CACNG5: variants seen among roughly 807,000 people sequenced by gnomAD.
CACNG5 encodes the protein calcium voltage-gated channel auxiliary subunit gamma 5.
Under a neutral mutation model 24.8 loss-of-function variants are expected in CACNG5, and 18 were observed. That is an observed-to-expected ratio of 0.73 (90% CI 0.50 to 1.08). The LOEUF (loss-of-function observed/expected upper bound fraction) is 1.08, where lower values mean the gene tolerates loss of function less well. Ranked by LOEUF, CACNG5 falls within the 50% of genes least tolerant of loss-of-function variation. CACNG5 has a pLI of 0.00. For missense variants in CACNG5, 349 were observed against 367.9 expected, an observed-to-expected ratio of 0.95 and a Z score of 0.42; for synonymous variants, 157 against 149.1, an observed-to-expected ratio of 1.05 and a Z score of -0.39.
At position 66,884,651 on chromosome 17, in the gene CACNG5, T is replaced by C. The variant is rs1179610179; in HGVS notation, c.560T>C (p.Leu187Pro). 1.2e-6 allele frequency: 2 copies of C among 1,614,068 alleles called. No individual in the cohort carries two copies. Among genetic ancestry groups the C allele is most frequent in the Non-Finnish European group, 8.5e-7 (1 of 1,180,048 alleles). The change falls in exon 5 of 6, where the codon CTT becomes CCT. Residue 187 changes from leucine to proline, a missense_variant. Transcript: ENST00000533854. ...TTTGCCTTCGCCGCCATCTCCTTCC[T>C]TTTAACGGAGGTAAAGCCCGTCACC... ...WSFAFAAISF[L>P]LTESAGVMSV...
chr17:66,893,280 A>T lies in CACNG5; in HGVS notation c.*8040A>T, dbSNP rs768176004. Reference sequence around the variant, plus strand: ...ATAATCCAGGTTCCCATCCAAAGATAAATGGGGGAAGGAAAGGTCTAAATG... The same window carrying T: ...ATAATCCAGGTTCCCATCCAAAGATTAATGGGGGAAGGAAAGGTCTAAATG... On this transcript the variant is annotated 3_prime_UTR_variant, in exon 6 of 6. Transcript: ENST00000533854. 9.2e-5 allele frequency among the ~76,000 whole-genome samples: 14 copies of T among 152,200 alleles called. No homozygotes were observed. Among genetic ancestry groups the T allele is most frequent in the Non-Finnish European group, 1.9e-4 (13 of 68,030 alleles).
chr17:66,851,363 A>T (rs1432996283), intron 1 of CACNG5, among the ~76,000 whole-genome samples: 1 of 152,240 alleles, frequency 6.6e-6, no homozygotes, highest in African/African-American at 2.4e-5. Flanking sequence ...AGTACATAGG[A>T]TTCCCATGGG....
Position 66,894,533 on chromosome 17 carries a change from T to C in CACNG5, c.*9293T>C, listed in dbSNP as rs970351613. Reference sequence around the variant, plus strand: ...AATCCTAGTGCAGAATCTGAGTTAGTTACCCTCTCCAGTTCATGATGTGCA... The same window carrying C: ...AATCCTAGTGCAGAATCTGAGTTAGCTACCCTCTCCAGTTCATGATGTGCA... On this transcript the variant is annotated 3_prime_UTR_variant, in exon 6 of 6. Coordinates refer to ENST00000533854, the MANE Select transcript of CACNG5 (RefSeq NM_145811.3). Among the ~76,000 whole-genome samples, 1 of 152,192 alleles carries C rather than the reference T, an allele frequency of 6.6e-6. No homozygotes were observed. Among genetic ancestry groups the C allele is most frequent in the Non-Finnish European group, 1.5e-5 (1 of 68,038 alleles).
chr17:66,872,786 G>T (rs1225005707), intron 1 of CACNG5, among the ~76,000 whole-genome samples: 1 of 152,162 alleles, frequency 6.6e-6, no homozygotes, highest in Non-Finnish European at 1.5e-5. Context: ...GCACCTCCAA[G>T]AAGCTACCAG....
intron 1 of CACNG5, among the ~76,000 whole-genome samples, chr17:66,856,442 A>G (rs948054424): frequency 1.3e-5 from 2 of 152,164 alleles, no homozygotes; most frequent in Admixed American, 1.3e-4. Context: ...TTGCAAAATT[A>G]TAGTACAAAG....
At chr17:66,869,362 G>T (rs7218092) in intron 1 of CACNG5, among the ~76,000 whole-genome samples, 2 of 152,220 alleles carry the variant, frequency 1.3e-5, no homozygotes, top group Non-Finnish European at 2.9e-5. Context: ...GGGATTACAG[G>T]TGTGAGCCAA....
chr17:66,879,291 T>G (rs2143117569), intron 3 of CACNG5, among the ~76,000 whole-genome samples: 1 of 152,354 alleles, frequency 6.6e-6, no homozygotes, highest in South Asian at 2.1e-4. Flanking sequence ...AACTGAGCTC[T>G]CTGGACCCCA....
At position 66,889,511 on chromosome 17, in the gene CACNG5, A is replaced by G. The variant is rs1977311245; in HGVS notation, c.*4271A>G. On this transcript the variant is annotated 3_prime_UTR_variant, in exon 6 of 6. Coordinates refer to ENST00000533854, the MANE Select transcript of CACNG5 (RefSeq NM_145811.3). ...GTGGTCTATCAGGGTTCTCCAGAAAAACAGAATCAACAGGATGAATATATA... is the reference window on the plus strand; with the variant it reads ...GTGGTCTATCAGGGTTCTCCAGAAAGACAGAATCAACAGGATGAATATATA... Among the ~76,000 whole-genome samples the G allele has an allele frequency of 6.6e-6, 1 of 152,188 alleles. No individual in the cohort carries two copies. Among genetic ancestry groups the G allele is most frequent in the Non-Finnish European group, 1.5e-5 (1 of 68,040 alleles).
intron 1 of CACNG5, among the ~76,000 whole-genome samples, chr17:66,871,996 A>G (rs1977014633): frequency 6.6e-6 from 1 of 152,208 alleles, no homozygotes; most frequent in African/African-American, 2.4e-5. Flanking sequence ...GTATACAAGG[A>G]GAGTGATTGG....
chr17:66,884,370 T>A (rs540282191), intron 4 of CACNG5, 146 bp from the exon 5 acceptor site: 210 of 785,448 alleles, frequency 2.7e-4, no homozygotes, highest in Non-Finnish European at 4.8e-5. Flanking sequence ...GAGGAAAGTT[T>A]CTGCTCTCCT....
intron 4 of CACNG5, among the ~76,000 whole-genome samples, chr17:66,884,132 CAAAAAAAGAAAAAAAAA>C (rs1322504916): frequency 1.6e-5 from 2 of 121,916 alleles, no homozygotes; most frequent in African/African-American, 3.6e-5. Context: ...AAATCCACCT[CAAAAAAAGAAAAAAAAA>C]AAAAAAAGAA....
chr17:66,852,287 A>G (rs1409583030), intron 1 of CACNG5, among the ~76,000 whole-genome samples: 1 of 152,186 alleles, frequency 6.6e-6, no homozygotes, highest in Non-Finnish European at 1.5e-5. Flanking sequence ...GGGCTGAGCC[A>G]CAGTGCTGTT....
At chr17:66,842,954 T>C (rs887133525) in intron 1 of CACNG5, among the ~76,000 whole-genome samples, 46 of 152,136 alleles carry the variant, frequency 3.0e-4, no homozygotes, top group African/African-American at 9.9e-4. Context: ...GCTGAGTAAT[T>C]TTCTAAAGCA....
rs937882906 is a variant in CACNG5 at position 66,889,535 on chromosome 17, T to TAG, written c.*4303_*4304dup. ...AAACAGAATCAACAGGATGAATATA[T>TAG]AGAGAGAGAAAGATTTATTTTAAGG... is the stretch of plus-strand genomic sequence containing the variant. On this transcript the variant is annotated 3_prime_UTR_variant, in exon 6 of 6. Coordinates refer to ENST00000533854, the MANE Select transcript of CACNG5 (RefSeq NM_145811.3). Among the ~76,000 whole-genome samples the TAG allele has an allele frequency of 6.6e-6, 1 of 152,080 alleles. No homozygotes were observed. The highest frequency in any genetic ancestry group is 1.5e-5 in the Non-Finnish European group (1 of 68,032).
intron 1 of CACNG5, among the ~76,000 whole-genome samples, chr17:66,869,362 G>A (rs7218092): frequency 4.0e-4 from 61 of 152,338 alleles, no homozygotes; most frequent in African/African-American, 1.4e-3. Flanking sequence ...GGGATTACAG[G>A]TGTGAGCCAA....
intron 1 of CACNG5, among the ~76,000 whole-genome samples, chr17:66,838,830 A>G (rs1343144760): frequency 6.6e-6 from 1 of 151,812 alleles, no homozygotes; most frequent in Non-Finnish European, 1.5e-5. Context: ...CTGGAGTATT[A>G]TTGGCATTTG....
In CACNG5 at chr17:66,887,180, G is replaced by A. The variant is rs1411662582; in HGVS notation, c.*1940G>A. Among the ~76,000 whole-genome samples the A allele has an allele frequency of 6.6e-6, 1 of 152,150 alleles. No homozygotes were observed. The highest frequency in any genetic ancestry group is 1.5e-5 in the Non-Finnish European group (1 of 68,038). Reference sequence around the variant, plus strand: ...TCTTCCATTTGTCTCACAGCAGGGTGGAGGAGAAGGGTAAGAGAAGCCAGT... The same window carrying A: ...TCTTCCATTTGTCTCACAGCAGGGTAGAGGAGAAGGGTAAGAGAAGCCAGT... On this transcript the variant is annotated 3_prime_UTR_variant, in exon 6 of 6. Transcript: ENST00000533854.
chr17:66,884,610 C>G lies in CACNG5; in HGVS notation c.519C>G (p.Tyr173Ter). ...AGGATGCAGAGACCTACTTCAACTA[C>G]AAGTATGGGTGGTCGTTTGCCTTCG... is the stretch of plus-strand genomic sequence containing the variant. ...RTKDAETYFN[Y>*]KYGWSFAFAA... The change falls in exon 5 of 6, where the codon TAC becomes TAG. Residue 173 changes from tyrosine (Y) to a stop codon, truncating the protein, a stop_gained. Coordinates refer to ENST00000533854, the MANE Select transcript of CACNG5 (RefSeq NM_145811.3). LOFTEE classifies it high-confidence loss of function. The G allele has an allele frequency of 6.2e-7, 1 of 1,614,170 alleles. No homozygotes were observed. Among genetic ancestry groups the G allele is most frequent in the Non-Finnish European group, 8.5e-7 (1 of 1,180,028 alleles).
In CACNG5 at chr17:66,887,499, A is replaced by C. The variant is rs73994668; in HGVS notation, c.*2259A>C. On this transcript the variant is annotated 3_prime_UTR_variant, in exon 6 of 6. Transcript: ENST00000533854. The stretch of plus-strand genomic sequence containing the variant: ...ATAATACCAAAACCATGTTCTCCTC[A>C]CCGCAAAGTAAAGGAATCAGTTTTT... Among the ~76,000 whole-genome samples the C allele has an allele frequency of 1.3e-5, 2 of 152,140 alleles. No homozygotes were observed. The highest frequency in any genetic ancestry group is 4.8e-5 in the African/African-American group (2 of 41,412).
Sources: allele counts gnomAD v4.1 joint callset (sites outside exome capture counted in the v4.1 genomes callset), GRCh38; gene constraint gnomAD v4.1.1; transcripts MANE v1.5; gene names NCBI Gene and HGNC (gene_info 2026-07-23, HGNC 2026-07-21).